GRIP1: variants seen among roughly 807,000 people sequenced by gnomAD.
GRIP1 encodes glutamate receptor-interacting protein 1.
A neutral mutation model predicts 129.9 loss-of-function variants in GRIP1; 45 were observed. That is an observed-to-expected ratio of 0.35 (90% CI 0.27 to 0.44). The LOEUF (loss-of-function observed/expected upper bound fraction) is 0.44, where lower values mean the gene tolerates loss of function less well. Ranked by LOEUF, GRIP1 falls within the 20% of genes least tolerant of loss-of-function variation. The pLI is 1.00. For synonymous variants in GRIP1, 530 were observed against 520.8 expected (o/e 1.02, Z -0.24); for missense variants, 1,196 against 1,396.8 (o/e 0.86, Z 2.29).
chr12:67,056,537 T>G (rs1044800745), intron 1 of GRIP1, among the ~76,000 whole-genome samples: 7 of 152,168 alleles, frequency 4.6e-5, no homozygotes, highest in Non-Finnish European at 8.8e-5. Flanking sequence ...CTTTGACTTT[T>G]GCATACCAGC....
chr12:66,455,942 CTG>C, intron 10 of GRIP1, among the ~76,000 whole-genome samples: 1 of 152,108 alleles, frequency 6.6e-6, no homozygotes, highest in Non-Finnish European at 1.5e-5. Flanking sequence ...AACATTGTCT[CTG>C]TATAATATTC....
At chr12:66,765,992 T>TA (rs2037624263) in intron 1 of GRIP1, among the ~76,000 whole-genome samples, 1 of 152,150 alleles carries the variant, frequency 6.6e-6, no homozygotes, top group Non-Finnish European at 1.5e-5. Flanking sequence ...ACTGTTCTGG[T>TA]ACCACCATCT....
chr12:66,416,933 C>T (rs1016254913), intron 15 of GRIP1, among the ~76,000 whole-genome samples: 6 of 151,136 alleles, frequency 4.0e-5, no homozygotes, highest in African/African-American at 9.7e-5. Context: ...GATAACAAAA[C>T]CAGACAAAGA....
Position 66,379,310 on chromosome 12 carries a change from T to G in GRIP1, c.2591A>C (p.Tyr864Ser). 1 of 1,614,004 alleles carries G rather than the reference T, an allele frequency of 6.2e-7. No individual in the cohort carries two copies. ...GGCTGTGGACCGGTCCCAGTCTTCA[T>G]AACTCAGCCCCACATCTGGGTAAGT... is the stretch of plus-strand genomic sequence containing the variant. ...SQTYPDVGLS[Y>S]EDWDRSTASG... Residue 864 changes from tyrosine to serine, a missense_variant, in exon 20 of 25, where the codon TAT (tyrosine) becomes TCT (serine). Physicochemically the swap from Tyr to Ser is moderately radical, Grantham distance 144 (BLOSUM62 -2). Coordinates refer to ENST00000359742, the MANE Select transcript of GRIP1 (RefSeq NM_001366722.1).
chr12:66,432,770 A>T (rs1344351423), intron 13 of GRIP1, 142 bp from the exon 14 acceptor site: 6 of 640,576 alleles, frequency 9.4e-6, no homozygotes, highest in Non-Finnish European at 1.7e-5. Flanking sequence ...GGCCTTTAAA[A>T]TCCTAGTAAA....
intron 6 of GRIP1, 40 bp from the exon 7 acceptor site, chr12:66,515,804 A>C (rs759891534): frequency 6.4e-7 from 1 of 1,571,420 alleles, no homozygotes; most frequent in Non-Finnish European, 8.8e-7. Context: ...TTAATTTAGC[A>C]TAATGGGGCT....
chr12:66,893,309 C>T (rs527565283), intron 1 of GRIP1, among the ~76,000 whole-genome samples: 23 of 151,926 alleles, frequency 1.5e-4, no homozygotes, highest in Non-Finnish European at 2.6e-4. Flanking sequence ...TACAGTGGTG[C>T]GATCATGTTT....
intron 2 of GRIP1, among the ~76,000 whole-genome samples, chr12:66,566,795 T>G (rs995006276): frequency 7.9e-5 from 12 of 152,336 alleles, no homozygotes; most frequent in African/African-American, 2.6e-4. Flanking sequence ...TATTAATCAT[T>G]GCTTCAATTT....
At chr12:66,533,863 T>A (rs11612818) in intron 4 of GRIP1, among the ~76,000 whole-genome samples, 6,188 of 98,014 alleles carry the variant, frequency 0.063, 190 homozygotes, top group African/African-American at 0.14. Flanking sequence ...ACACACACAC[T>A]CACACACACA....
intron 1 of GRIP1, among the ~76,000 whole-genome samples, chr12:66,716,766 A>G (rs1414832125): frequency 1.3e-5 from 2 of 152,044 alleles, no homozygotes; most frequent in Non-Finnish European, 2.9e-5. Flanking sequence ...TAGGAGTGGC[A>G]GAAAAGGGAA....
chr12:66,840,439 CT>C (rs1304524399), intron 1 of GRIP1, among the ~76,000 whole-genome samples: 10 of 152,162 alleles, frequency 6.6e-5, no homozygotes, highest in Middle Eastern at 3.4e-3. Flanking sequence ...TAAGAGGCAA[CT>C]TTTAAAAAAG....
At chr12:66,418,756 C>T (rs762187762) in intron 15 of GRIP1, among the ~76,000 whole-genome samples, 23 of 152,124 alleles carry the variant, frequency 1.5e-4, no homozygotes, top group African/African-American at 2.9e-4. Context: ...TCATCTGACC[C>T]GAGTTAAAAT....
At chr12:66,657,772 G>A (rs1359935611) in intron 1 of GRIP1, among the ~76,000 whole-genome samples, 1 of 151,924 alleles carries the variant, frequency 6.6e-6, no homozygotes, top group Non-Finnish European at 1.5e-5. Flanking sequence ...GAACCTAATC[G>A]CCATGAAAAT....
chr12:66,596,946 G>A lies in GRIP1; in HGVS notation c.56-19C>T, dbSNP rs752267855. ...CTCTCATCTGCAAAGGTACAATGAA[G>A]CGTTTGGTTAATTTCCATCCAGTTT... is the stretch of plus-strand genomic sequence containing the variant. On this transcript the variant is annotated intron_variant, in intron 1 of 24. Coordinates refer to ENST00000359742, the MANE Select transcript of GRIP1 (RefSeq NM_001366722.1). 6.4e-7 allele frequency: 1 copy of A among 1,554,704 alleles called. No homozygotes were observed. The highest frequency in any genetic ancestry group is 1.7e-5 in the Admixed American group (1 of 59,970).
At chr12:66,958,306 A>AT (rs531758782) in intron 1 of GRIP1, among the ~76,000 whole-genome samples, 2 of 152,006 alleles carry the variant, frequency 1.3e-5, no homozygotes, top group African/African-American at 2.4e-5. Context: ...CACCTGGCTA[A>AT]TTTTTTTATA....
Position 66,689,230 on chromosome 12 carries a change from G to C in GRIP1, c.-419-58894C>G, listed in dbSNP as rs145630612. Reference sequence around the variant, plus strand: ...GAGTATAACAAAGCTTGTGTTGACAGTAATCCAAAAATTTAGCACAGTATC... The same window carrying C: ...GAGTATAACAAAGCTTGTGTTGACACTAATCCAAAAATTTAGCACAGTATC... On this transcript the variant is annotated intron_variant, in intron 1 of 4. Coordinates refer to the GRIP1 transcript ENST00000538373. 4.3e-4 allele frequency among the ~76,000 whole-genome samples: 66 copies of C among 152,322 alleles called. No homozygotes were observed. The East Asian group carries it at 6.9e-3, about 16-fold the overall frequency.
At chr12:67,037,145 G>A (rs1447928365) in intron 1 of GRIP1, among the ~76,000 whole-genome samples, 3 of 151,850 alleles carry the variant, frequency 2.0e-5, no homozygotes, top group African/African-American at 7.3e-5. Flanking sequence ...TGGCTAACAC[G>A]GTGAAACACC....
intron 9 of GRIP1, among the ~76,000 whole-genome samples, chr12:66,462,506 G>A (rs1371025585): frequency 2.6e-5 from 4 of 152,042 alleles, no homozygotes; most frequent in African/African-American, 9.7e-5. Context: ...TTTTTTCCTC[G>A]ATGTTAGGGT....
At chr12:66,431,622 T>A (rs940877276) in intron 14 of GRIP1, among the ~76,000 whole-genome samples, 5 of 152,246 alleles carry the variant, frequency 3.3e-5, no homozygotes, top group African/African-American at 9.6e-5. Flanking sequence ...GGCACTTTTA[T>A]GTGGCCTCAT....
Sources: gnomAD v4.1 joint callset for allele counts (sites outside exome capture counted in the v4.1 genomes callset) on GRCh38, gnomAD v4.1.1 for gene constraint, MANE v1.5 for transcripts, NCBI Gene and HGNC (gene_info 2026-07-23, HGNC 2026-07-21) for gene names.